TMEM272: variants seen among roughly 807,000 people sequenced by gnomAD.
The protein encoded by TMEM272 is transmembrane protein 272.
Under a neutral mutation model 3.7 loss-of-function variants are expected in TMEM272, and 8 were observed. That is an observed-to-expected ratio of 2.17 (90% CI 1.27 to 3.91). The LOEUF (loss-of-function observed/expected upper bound fraction) is 3.91. Ranked by LOEUF, TMEM272 falls within the 30% of genes most tolerant of loss-of-function variation. The pLI is 0.00. For missense variants in TMEM272, 166 were observed against 91.5 expected (o/e 1.81, Z -3.32); for synonymous variants, 63 against 39.8 (o/e 1.58, Z -2.20).
At chr13:51,928,429 T>C in the TMEM272 span, among the ~76,000 whole-genome samples, 7 of 152,174 alleles carry the variant, frequency 4.6e-5, no homozygotes, top group African/African-American at 1.7e-4. Context: ...GGCAGTGCTG[T>C]GAGACAGGAA....
chr13:51,866,252 C>A, the TMEM272 span: 1 of 596,632 alleles, frequency 1.7e-6, no homozygotes, highest in Non-Finnish European at 2.9e-6. Context: ...GGAAGGCTGG[C>A]TGCATTTTTT....
the TMEM272 span, among the ~76,000 whole-genome samples, chr13:51,878,329 C>T: frequency 3.3e-5 from 5 of 152,176 alleles, no homozygotes; most frequent in Non-Finnish European, 5.9e-5. Flanking sequence ...ACTCAGGAGG[C>T]TGAGGCAGAA....
the TMEM272 span, among the ~76,000 whole-genome samples, chr13:51,896,027 A>T: frequency 1.5e-4 from 23 of 152,306 alleles, 1 homozygote; most frequent in African/African-American, 5.1e-4. Context: ...TTCTGTGGAC[A>T]ATGCCTGCTT....
the TMEM272 span, among the ~76,000 whole-genome samples, chr13:51,876,420 G>C: frequency 7.2e-5 from 11 of 152,176 alleles, no homozygotes; most frequent in Non-Finnish European, 1.2e-4. Context: ...TTAACTGTGG[G>C]TACAGAAATC....
chr13:51,897,222 CT>C, the TMEM272 span, among the ~76,000 whole-genome samples: 2 of 152,004 alleles, frequency 1.3e-5, no homozygotes, highest in East Asian at 3.9e-4. Context: ...AAGACATTGT[CT>C]TTTTTTTATT....
At chr13:51,871,318 G>C in the TMEM272 span, among the ~76,000 whole-genome samples, 4 of 151,916 alleles carry the variant, frequency 2.6e-5, no homozygotes, top group African/African-American at 9.7e-5. Flanking sequence ...AGCCTCCCGA[G>C]TAGCTGGGAC....
At chr13:51,817,893 C>T (rs765956690) in intron 4 of TMEM272, among the ~76,000 whole-genome samples, 4 of 152,182 alleles carry the variant, frequency 2.6e-5, no homozygotes, top group Non-Finnish European at 4.4e-5. Context: ...CAAAGCACCA[C>T]GACCCACCCG....
At chr13:51,857,669 T>C in the TMEM272 span, among the ~76,000 whole-genome samples, 1 of 151,932 alleles carries the variant, frequency 6.6e-6, no homozygotes, top group African/African-American at 2.4e-5. Context: ...AATGGAATAA[T>C]AAAATTATTT....
At chr13:51,930,315 T>C in the TMEM272 span, 8 of 152,358 alleles carry the variant, frequency 5.3e-5, no homozygotes, top group South Asian at 4.1e-4. Flanking sequence ...CTGAATAAAG[T>C]AGATTCTGGG....
chr13:51,889,895 C>T, the TMEM272 span, among the ~76,000 whole-genome samples: 2 of 152,162 alleles, frequency 1.3e-5, no homozygotes, highest in African/African-American at 2.4e-5. Context: ...CCCACCTCGG[C>T]CCCCCAAAGT....
the TMEM272 span, among the ~76,000 whole-genome samples, chr13:51,924,029 G>A: frequency 2.0e-5 from 3 of 152,216 alleles, no homozygotes; most frequent in African/African-American, 7.2e-5. Context: ...AGGGCTTGGG[G>A]CTGGGTAAAG....
chr13:51,843,820 A>G (rs1249370853), intron 1 of TMEM272, among the ~76,000 whole-genome samples: 1 of 152,226 alleles, frequency 6.6e-6, no homozygotes, highest in African/African-American at 2.4e-5. Flanking sequence ...CAGCTGAGTG[A>G]TAATAAAGGG....
chr13:51,865,347 C>G, the TMEM272 span: 2 of 1,543,448 alleles, frequency 1.3e-6, no homozygotes, highest in Non-Finnish European at 1.7e-6. Context: ...GACCAGCCGA[C>G]CTGGACCTGG....
At chr13:51,927,115 A>C in the TMEM272 span, among the ~76,000 whole-genome samples, 1 of 151,936 alleles carries the variant, frequency 6.6e-6, no homozygotes, top group African/African-American at 2.4e-5. Context: ...ACATGTTAAC[A>C]TTTTTAGCTG....
At chr13:51,863,704 CA>C in the TMEM272 span, among the ~76,000 whole-genome samples, 17 of 133,550 alleles carry the variant, frequency 1.3e-4, no homozygotes, top group African/African-American at 4.2e-4. Context: ...CACACACACA[CA>C]CACACCAGCT....
rs561956062 is a variant in TMEM272, at chr13:51,816,912, G to T, written c.403C>A (p.Leu135Ile). ...WVFSVYLPDFLPPFQQPQDYC... is the reference protein window; with the variant it reads ...WVFSVYLPDFIPPFQQPQDYC... The stretch of plus-strand genomic sequence containing the variant: ...TCCTGAGGCTGCTGGAAAGGGGGAA[G>T]AAAATCAGGCAGGTACACAGAAAAG... Residue 135 changes from leucine to isoleucine, a missense_variant, in exon 5 of 5, where the codon CTT (leucine) becomes ATT (isoleucine). Transcript: ENST00000629372. 2.4e-5 allele frequency: 17 copies of T among 703,056 alleles called. No individual in the cohort carries two copies. Among genetic ancestry groups the T allele is most frequent in the South Asian group, 2.2e-4 (15 of 67,606 alleles). 43.6% of individuals were successfully genotyped at this position (703,056 alleles called of 1,614,324 possible).
the TMEM272 span, among the ~76,000 whole-genome samples, chr13:51,886,017 G>A: frequency 6.6e-6 from 1 of 152,210 alleles, no homozygotes. Context: ...CATAAAGGAA[G>A]AAGCTTGTAA....
At chr13:51,863,143 A>G in the TMEM272 span, among the ~76,000 whole-genome samples, 1 of 152,374 alleles carries the variant, frequency 6.6e-6, no homozygotes, top group Non-Finnish European at 1.5e-5. Flanking sequence ...TTCACCACAC[A>G]GGCAGGAAAC....
the TMEM272 span, among the ~76,000 whole-genome samples, chr13:51,854,962 G>A: frequency 2.6e-5 from 4 of 152,118 alleles, no homozygotes. Context: ...TATCGTATTT[G>A]GAACAACATG....
Sources: gnomAD v4.1 joint callset for allele counts (sites outside exome capture counted in the v4.1 genomes callset) on GRCh38, gnomAD v4.1.1 for gene constraint, MANE v1.5 for transcripts, NCBI Gene and HGNC (gene_info 2026-07-23, HGNC 2026-07-21) for gene names.